PITPNM2: variants seen among roughly 807,000 people sequenced by gnomAD.
PITPNM2 encodes membrane-associated phosphatidylinositol transfer protein 2.
PITPNM2 carries 35 observed loss-of-function variants against 132.2 expected under a neutral mutation model. That is an observed-to-expected ratio of 0.26 (90% confidence interval 0.20 to 0.35). PITPNM2 has a LOEUF of 0.35. Among genes scored for constraint, PITPNM2 ranks in the 10% least tolerant of loss-of-function variants. The pLI is 1.00. For missense variants in PITPNM2, 1,332 were observed against 1,912.0 expected (o/e 0.70, Z 5.66); for synonymous variants, 738 against 799.2 (o/e 0.92, Z 1.29).
intron 2 of PITPNM2, among the ~76,000 whole-genome samples, chr12:123,101,126 C>A (rs1453231457): frequency 6.6e-6 from 1 of 152,242 alleles, no homozygotes; most frequent in East Asian, 1.9e-4. Context: ...TGCACAGGCA[C>A]TCTGTACTGG....
At position 123,078,807 on chromosome 12, in the gene PITPNM2, G is replaced by T. The variant is rs2041867725; in HGVS notation, c.-96+31578C>A. 6.6e-6 allele frequency among the ~76,000 whole-genome samples: 1 copy of T among 152,212 alleles called. No homozygotes were observed. Among genetic ancestry groups the T allele is most frequent in the Non-Finnish European group, 1.5e-5 (1 of 68,028 alleles). ...CTGGGTGGCATCTCCCATCACGCCT[G>T]TGCCAGCCTCACTGCTGCAGCTGCC... On this transcript the variant is annotated intron_variant, in intron 2 of 25. Coordinates refer to ENST00000320201, the MANE Select transcript of PITPNM2 (RefSeq NM_020845.3). This position sits in a 1 kb window ranked among gnomAD's most constrained non-coding sequence, Gnocchi z 7.3.
At chr12:123,098,063 C>A (rs2042457589) in intron 2 of PITPNM2, among the ~76,000 whole-genome samples, 1 of 152,230 alleles carries the variant, frequency 6.6e-6, no homozygotes, top group African/African-American at 2.4e-5. Flanking sequence ...AGAGAAGAAT[C>A]AAAGGCAGCA....
Position 123,005,359 on chromosome 12 carries a change from T to C in PITPNM2, c.833A>G (p.Asp278Gly), listed in dbSNP as rs1384002084. ...CTCCGGGGGCTCCCCAGAGGTCTGG[T>C]CCGAGACGGCTTCGTGCTTGACGAG... ...TELVKHEAVS[D>G]QTSGEPPEPS... is the part of the protein sequence containing the mutation. Residue 278 changes from aspartate to glycine, a missense_variant, in exon 7 of 26, where the codon GAC (aspartate) becomes GGC (glycine). Physicochemically the swap from Asp to Gly is moderately conservative, Grantham distance 94 (BLOSUM62 -1). This residue lies in a region of PITPNM2 where 710 missense variants were observed against 911.5 expected (regional missense o/e 0.78). Transcript: ENST00000320201. This position sits in a 1 kb window ranked among gnomAD's most constrained non-coding sequence, Gnocchi z 6.2. 1 of 1,614,100 alleles carries C rather than the reference T, an allele frequency of 6.2e-7. No homozygotes were observed. Among genetic ancestry groups the C allele is most frequent in the Admixed American group, 1.7e-5 (1 of 60,036 alleles).
intron 1 of PITPNM2, among the ~76,000 whole-genome samples, chr12:123,141,865 T>C (rs1245974448): frequency 6.6e-6 from 1 of 152,122 alleles, no homozygotes; most frequent in East Asian, 1.9e-4. Context: ...TCATTCCCCT[T>C]TGTGGAAAGG....
At chr12:123,015,986 T>C (rs1157290773) in intron 3 of PITPNM2, among the ~76,000 whole-genome samples, 1 of 152,126 alleles carries the variant, frequency 6.6e-6, no homozygotes, top group African/African-American at 2.4e-5. Context: ...CAATAAGCAA[T>C]GAAAAGATGT....
intron 3 of PITPNM2, among the ~76,000 whole-genome samples, chr12:123,021,091 C>G (rs911670760): frequency 2.7e-5 from 4 of 148,316 alleles, no homozygotes. Context: ...ACTTGGTACA[C>G]TACAGACCAG....
chr12:123,109,229 AG>A (rs1183239612), intron 2 of PITPNM2, among the ~76,000 whole-genome samples: 4 of 152,250 alleles, frequency 2.6e-5, no homozygotes, highest in Admixed American at 1.3e-4. Context: ...GAACAGGAGA[AG>A]GGTTCATCAA....
At chr12:123,006,005 AGAGGCC>A (rs2038917552) in intron 6 of PITPNM2, 1 of 154,452 alleles carries the variant, frequency 6.5e-6, no homozygotes. Context: ...CAGCTACTCT[AGAGGCC>A]GAGGTGGGAG....
rs189185240 is a variant in PITPNM2, at chr12:122,995,738, C to T, written c.1783-78G>A. ...TCTCCAGTGTCCTGGAAGCTGCCTC[C>T]TCCCTCCTAACCCCAGGCCAAGCGG... On this transcript the variant is annotated intron_variant, in intron 13 of 25. Coordinates refer to ENST00000320201, the MANE Select transcript of PITPNM2 (RefSeq NM_020845.3). The T allele has an allele frequency of 1.1e-4, 163 of 1,471,014 alleles. No homozygotes were observed. In the African/African-American group the frequency reaches 2.0e-3, roughly 18 times the overall value. 91.1% of individuals were successfully genotyped at this position (1,471,014 alleles called of 1,614,324 possible). A position where few individuals can be genotyped will look rare whatever the true frequency, so the allele number is the denominator to read the frequency against.
At chr12:122,996,385 G>GGCA in intron 13 of PITPNM2, 73 bp downstream of exon 13, 1 of 1,577,794 alleles carries the variant, frequency 6.3e-7, no homozygotes, top group South Asian at 1.2e-5. Context: ...TGCAGGAACA[G>GGCA]GCAGGGCAGC....
In PITPNM2 at chr12:122,993,751, A is replaced by T. The variant is rs2038298513; in HGVS notation, c.2233+1050T>A. Among the ~76,000 whole-genome samples, 1 of 152,204 alleles carries T rather than the reference A, an allele frequency of 6.6e-6. No individual in the cohort carries two copies. The highest frequency in any genetic ancestry group is 2.4e-5 in the African/African-American group (1 of 41,440). ...TGGCTGGGGCACAGGGATGCCCTCC[A>T]TGGGGCTGCCTTGGTTGTTGGGGTC... On this transcript the variant is annotated intron_variant, in intron 15 of 25. Coordinates refer to ENST00000320201, the MANE Select transcript of PITPNM2 (RefSeq NM_020845.3). This position sits in a 1 kb window ranked among gnomAD's most constrained non-coding sequence, Gnocchi z 5.2.
chr12:122,999,685 G>T lies in PITPNM2; in HGVS notation c.1224+1093C>A, dbSNP rs1312549748. ...CTTTCTCCAAGGGGACACCTGGCCT[G>T]CCCTGGGCTCTAGTTGGGGCTGAGC... On this transcript the variant is annotated intron_variant, in intron 10 of 25. Transcript: ENST00000320201. Among the ~76,000 whole-genome samples, 2 of 152,146 alleles carry T rather than the reference G, an allele frequency of 1.3e-5. 1 individual carries two copies. The highest frequency in any genetic ancestry group is 4.8e-5 in the African/African-American group (2 of 41,436).
chr12:122,998,835 G>C (rs1236620876), intron 10 of PITPNM2, among the ~76,000 whole-genome samples: 2 of 152,168 alleles, frequency 1.3e-5, no homozygotes, highest in African/African-American at 4.8e-5. Context: ...CCAGGTGGCT[G>C]GGCGCAGTGG....
chr12:123,035,268 G>A (rs2040226719), intron 2 of PITPNM2, among the ~76,000 whole-genome samples: 1 of 152,202 alleles, frequency 6.6e-6, no homozygotes, highest in Admixed American at 6.5e-5. Context: ...GGCTATGTCT[G>A]GGAAGTAGAT....
chr12:123,030,416 G>A (rs528502473), intron 3 of PITPNM2, among the ~76,000 whole-genome samples: 17 of 152,272 alleles, frequency 1.1e-4, no homozygotes, highest in African/African-American at 3.1e-4. Flanking sequence ...CTTGTAGGCC[G>A]GGCGCGGTGG....
intron 20 of PITPNM2, 138 bp from the exon 21 acceptor site, chr12:122,988,039 C>T (rs969358437): frequency 4.8e-5 from 45 of 939,332 alleles, no homozygotes; most frequent in African/African-American, 3.4e-4. Flanking sequence ...GGATCAGACA[C>T]GATGACGTGG....
Position 122,984,646 on chromosome 12 carries a change from T to G in PITPNM2, c.*1381A>C, listed in dbSNP as rs2037861769. 1 of 152,244 alleles carries G rather than the reference T, an allele frequency of 6.6e-6. No individual in the cohort carries two copies. The allele number at this position is 152,244 out of a possible 1,614,324, so 9.4% of individuals were successfully genotyped here. A position where few individuals can be genotyped will look rare whatever the true frequency, so the allele number is the denominator to read the frequency against. On this transcript the variant is annotated 3_prime_UTR_variant, in exon 26 of 26. Transcript: ENST00000320201. ...ACGGGAAAAAGTTAACATCACTCTG[T>G]GCACCTCCCCAGCCCGGTCCATGCG...
chr12:123,028,923 G>A (rs1335670667), intron 3 of PITPNM2, among the ~76,000 whole-genome samples: 3 of 152,192 alleles, frequency 2.0e-5, no homozygotes, highest in African/African-American at 7.2e-5. Flanking sequence ...GCTGACAGTA[G>A]GGGTCTTGGT....
rs2042779270 is a variant in PITPNM2 at position 123,108,970 on chromosome 12, C to T, written c.-96+1415G>A. Among the ~76,000 whole-genome samples the T allele has an allele frequency of 6.6e-6, 1 of 152,188 alleles. No individual in the cohort carries two copies. Among genetic ancestry groups the T allele is most frequent in the African/African-American group, 2.4e-5 (1 of 41,446 alleles). On this transcript the variant is annotated intron_variant, in intron 2 of 25. Transcript: ENST00000320201. This position sits in a 1 kb window ranked among gnomAD's most constrained non-coding sequence, Gnocchi z 4.4. The stretch of plus-strand genomic sequence containing the variant: ...TGCTTCCAGGTCTAGACTCGGGGTC[C>T]AATCCCAATCCCACCACTGACTAGC...
Sources: allele counts gnomAD v4.1 joint callset (sites outside exome capture counted in the v4.1 genomes callset), GRCh38; gene constraint gnomAD v4.1.1; regional missense constraint gnomAD v4.1.1; non-coding constraint Gnocchi (gnomAD v3.1); transcripts MANE v1.5; gene names NCBI Gene and HGNC (gene_info 2026-07-23, HGNC 2026-07-21).